Variants in BAZ2B observed in about 807,000 individuals in gnomAD.
The protein encoded by BAZ2B is bromodomain adjacent to zinc finger domain protein 2B.
A neutral mutation model predicts 246.0 loss-of-function variants in BAZ2B; 91 were observed. The ratio of observed to expected loss-of-function variants is 0.37; its 90% confidence interval spans 0.31 to 0.44. The LOEUF (loss-of-function observed/expected upper bound fraction) is 0.44. Ranked by LOEUF, BAZ2B falls within the 20% of genes least tolerant of loss-of-function variation. The pLI is 1.00. For missense variants in BAZ2B, 2,332 were observed against 2,533.7 expected (o/e 0.92, Z 1.71); for synonymous variants, 855 against 860.0 (o/e 0.99, Z 0.10).
At chr2:159,453,126 A>G (rs925047158) in intron 4 of BAZ2B, among the ~76,000 whole-genome samples, 8 of 152,106 alleles carry the variant, frequency 5.3e-5, no homozygotes, top group Non-Finnish European at 1.2e-4. Context: ...CAAACAAAAA[A>G]CAGAAAAATA....
intron 1 of BAZ2B, among the ~76,000 whole-genome samples, chr2:159,614,219 T>C (rs1695344369): frequency 6.6e-6 from 1 of 152,184 alleles, no homozygotes; most frequent in South Asian, 2.1e-4. Flanking sequence ...AAACCAACTT[T>C]TGTGAGGCGA....
chr2:159,468,702 A>T (rs1192455626), intron 3 of BAZ2B, among the ~76,000 whole-genome samples: 1 of 152,158 alleles, frequency 6.6e-6, no homozygotes, highest in Non-Finnish European at 1.5e-5. Context: ...AAATACATAT[A>T]TAAGAAAAGG....
chr2:159,354,469 G>C (rs1433984781), intron 27 of BAZ2B, among the ~76,000 whole-genome samples: 1 of 152,058 alleles, frequency 6.6e-6, no homozygotes, highest in Non-Finnish European at 1.5e-5. Context: ...TCCTGCCTCA[G>C]TCTCCCAAGT....
chr2:159,680,491 A>C, the BAZ2B span, among the ~76,000 whole-genome samples: 4 of 152,248 alleles, frequency 2.6e-5, no homozygotes, highest in African/African-American at 7.2e-5. Context: ...AATCAGGTTC[A>C]AAGTCAAAAC....
At chr2:159,324,685 CACA>C in intron 36 of BAZ2B, 123 bp downstream of exon 36, 1 of 270,560 alleles carries the variant, frequency 3.7e-6, no homozygotes, top group Non-Finnish European at 6.6e-6. Flanking sequence ...CACACACACA[CACA>C]CCTGCCTCAA....
rs372780494 is a variant in BAZ2B, at chr2:159,337,667, C to T, written c.5560G>A (p.Glu1854Lys). ...CKEHDGEFTG[E>K]DESSAHALER... ...AGTGCATGTGCACTGCTTTCGTCTT[C>T]GCCAGTAAATTCTCCATCATGCTCC... Residue 1854 changes from glutamate to lysine, a missense_variant, in exon 32 of 37, where the codon GAA becomes AAA. By Grantham distance (56) the Glu-to-Lys change is moderately conservative (BLOSUM62 1). This residue lies in a region of BAZ2B where 676 missense variants were observed against 668.6 expected (regional missense o/e 1.01). Coordinates refer to ENST00000392783, the MANE Select transcript of BAZ2B (RefSeq NM_013450.4). The T allele has an allele frequency of 2.6e-5, 42 of 1,614,158 alleles. 1 individual carries two copies. Among genetic ancestry groups the T allele is most frequent in the South Asian group, 1.6e-4 (15 of 91,080 alleles).
At chr2:159,487,494 C>CA (rs759398284) in intron 2 of BAZ2B, among the ~76,000 whole-genome samples, 2 of 152,302 alleles carry the variant, frequency 1.3e-5, no homozygotes, top group Non-Finnish European at 2.9e-5. Context: ...TCCTCACCTT[C>CA]AAGTAGGAGG....
chr2:159,374,798 A>G, intron 25 of BAZ2B, 45 bp from the exon 26 acceptor site: 1 of 1,536,348 alleles, frequency 6.5e-7, no homozygotes, highest in Middle Eastern at 1.9e-4. Flanking sequence ...TTTAAGATTT[A>G]TTTATTCAAT....
At chr2:159,549,398 C>T (rs1347222019) in intron 2 of BAZ2B, among the ~76,000 whole-genome samples, 1 of 152,220 alleles carries the variant, frequency 6.6e-6, no homozygotes. Flanking sequence ...CATTATACTT[C>T]AAAGTCTAGA....
chr2:159,491,134 G>A (rs1392365825), intron 2 of BAZ2B, among the ~76,000 whole-genome samples: 1 of 152,044 alleles, frequency 6.6e-6, no homozygotes, highest in Non-Finnish European at 1.5e-5. Context: ...AATTTTTAAA[G>A]CAGGCTCACA....
In BAZ2B at chr2:159,433,159, T is replaced by A. The variant is rs748994270; in HGVS notation, c.1498A>T (p.Ser500Cys). The A allele has an allele frequency of 6.2e-7, 1 of 1,614,194 alleles. No homozygotes were observed. Among genetic ancestry groups the A allele is most frequent in the Non-Finnish European group, 8.5e-7 (1 of 1,180,012 alleles). ...GNHQPNGVIQ[S>C]VIQEAPLALT... ...GCTAGAGGAGCTTCTTGAATGACACTTTGAATAACTCCATTTGGTTGGTGA... is the reference window on the plus strand; with the variant it reads ...GCTAGAGGAGCTTCTTGAATGACACATTGAATAACTCCATTTGGTTGGTGA... Residue 500 changes from serine to cysteine, a missense_variant, in exon 9 of 37, where the codon AGT becomes TGT. By Grantham distance (112) the Ser-to-Cys change is moderately radical. Coordinates refer to ENST00000392783, the MANE Select transcript of BAZ2B (RefSeq NM_013450.4).
the BAZ2B span, among the ~76,000 whole-genome samples, chr2:159,639,134 G>GCAA: frequency 2.0e-5 from 3 of 151,590 alleles, no homozygotes; most frequent in East Asian, 1.9e-4. Flanking sequence ...CACACACAAA[G>GCAA]CAACAACAAC....
intron 3 of BAZ2B, among the ~76,000 whole-genome samples, chr2:159,472,450 C>G (rs991444100): frequency 2.0e-5 from 3 of 152,216 alleles, no homozygotes; most frequent in Non-Finnish European, 2.9e-5. Flanking sequence ...TTCTATTCCT[C>G]TTTCCTCTAT....
intron 1 of BAZ2B, among the ~76,000 whole-genome samples, chr2:159,590,504 T>G (rs913506590): frequency 3.3e-5 from 5 of 151,378 alleles, no homozygotes; most frequent in African/African-American, 1.2e-4. Flanking sequence ...GGTAGGAGAA[T>G]TGCTTGAACC....
At chr2:159,353,019 A>G (rs2058722104) in intron 27 of BAZ2B, among the ~76,000 whole-genome samples, 1 of 152,242 alleles carries the variant, frequency 6.6e-6, no homozygotes, top group Non-Finnish European at 1.5e-5. Context: ...CTTGATAACG[A>G]AATAAAAGGA....
At chr2:159,507,703 C>T (rs1349801132) in intron 2 of BAZ2B, among the ~76,000 whole-genome samples, 1 of 151,902 alleles carries the variant, frequency 6.6e-6, no homozygotes, top group Non-Finnish European at 1.5e-5. Context: ...AACCAAAAAA[C>T]TTTAAAATAA....
At chr2:159,457,387 C>T (rs774421679) in intron 3 of BAZ2B, among the ~76,000 whole-genome samples, 5 of 152,124 alleles carry the variant, frequency 3.3e-5, no homozygotes, top group Non-Finnish European at 7.4e-5. Context: ...TAGTACATAA[C>T]GGACATAAAA....
In BAZ2B at chr2:159,558,778, T is replaced by C. The variant is rs537153207; in HGVS notation, c.-45-2913A>G. 2.0e-5 allele frequency among the ~76,000 whole-genome samples: 3 copies of C among 151,986 alleles called. No individual in the cohort carries two copies. In the East Asian group the frequency reaches 5.8e-4, roughly 29 times the overall value. On this transcript the variant is annotated intron_variant, in intron 1 of 36. Coordinates refer to ENST00000392783, the MANE Select transcript of BAZ2B (RefSeq NM_013450.4). ...TGTTTAAGTTCAAGAAGTAGAGACA[T>C]AGAAAATACAATGAATAAAGGCACA... is the stretch of plus-strand genomic sequence containing the variant.
the BAZ2B span, among the ~76,000 whole-genome samples, chr2:159,691,925 T>C: frequency 6.6e-6 from 1 of 152,240 alleles, no homozygotes; most frequent in Non-Finnish European, 1.5e-5. Flanking sequence ...ACTACAGCAG[T>C]ACAACGTGCT....
Sources: allele counts gnomAD v4.1 joint callset (sites outside exome capture counted in the v4.1 genomes callset), GRCh38; gene constraint gnomAD v4.1.1; regional missense constraint gnomAD v4.1.1; transcripts MANE v1.5; gene names NCBI Gene and HGNC (gene_info 2026-07-23, HGNC 2026-07-21).